Variants in SMG7 observed in about 807,000 individuals in gnomAD.
SMG7 encodes nonsense-mediated mRNA decay factor SMG7.
SMG7 carries 34 observed loss-of-function variants against 148.2 expected under a neutral mutation model. The observed-to-expected ratio is 0.23, with a 90% CI of 0.17 to 0.31. The LOEUF (loss-of-function observed/expected upper bound fraction) is 0.31, where lower values mean the gene tolerates loss of function less well. SMG7 is among the 10% of genes least tolerant of loss of function. The pLI, the probability that SMG7 is intolerant of heterozygous loss-of-function variation, is 1.00. For missense variants in SMG7, 1,114 were observed against 1,408.4 expected, an observed-to-expected ratio of 0.79 and a Z score of 3.35; for synonymous variants, 492 against 515.1, an observed-to-expected ratio of 0.96 and a Z score of 0.61.
At chr1:183,514,120 G>A (rs1363643151) in intron 2 of SMG7, among the ~76,000 whole-genome samples, 3 of 148,904 alleles carry the variant, frequency 2.0e-5, no homozygotes, top group Non-Finnish European at 3.0e-5. Flanking sequence ...TATGCCCTCC[G>A]TAACAGCATA....
At chr1:183,474,228 G>A (rs757298251) in intron 1 of SMG7, among the ~76,000 whole-genome samples, 2 of 152,206 alleles carry the variant, frequency 1.3e-5, no homozygotes, top group Non-Finnish European at 2.9e-5. Flanking sequence ...GTATCTGTTA[G>A]GCAAGTAAAT....
At chr1:183,479,691 G>A (rs978650685) in intron 1 of SMG7, among the ~76,000 whole-genome samples, 7 of 152,092 alleles carry the variant, frequency 4.6e-5, no homozygotes, top group Non-Finnish European at 8.8e-5. Context: ...CACAATTACC[G>A]GGGTTATGCC....
chr1:183,514,629 C>A (rs542921832), intron 2 of SMG7, among the ~76,000 whole-genome samples: 1 of 152,198 alleles, frequency 6.6e-6, no homozygotes, highest in Non-Finnish European at 1.5e-5. Flanking sequence ...TAGGGTTTGA[C>A]CTTTATAGGG....
chr1:183,533,301 T>C lies in SMG7; in HGVS notation c.981T>C (p.Cys327=). ...QHTYSQDEQL[C]WTQLLALFMS... ...CTTATAGCCAAGATGAGCAGCTATG[T>C]TGGACACAGTTGCTGGCCCTCTTTA... Residue 327 remains cysteine, a synonymous_variant, in exon 9 of 23, where the codon TGT becomes TGC. Coordinates refer to ENST00000688051, the MANE Select transcript of SMG7 (RefSeq NM_001375584.1). 1 of 1,613,778 alleles carries C rather than the reference T, an allele frequency of 6.2e-7. No homozygotes were observed. The highest frequency in any genetic ancestry group is 8.5e-7 in the Non-Finnish European group (1 of 1,179,792).
At chr1:183,485,902 T>C (rs2102136113) in intron 1 of SMG7, among the ~76,000 whole-genome samples, 2 of 152,374 alleles carry the variant, frequency 1.3e-5, no homozygotes, top group East Asian at 3.9e-4. Flanking sequence ...TCTTTGAATT[T>C]AATGTTTACC....
chr1:183,552,742 G>A lies in SMG7; in HGVS notation c.*811G>A. The A allele has an allele frequency of 1.5e-6, 2 of 1,362,536 alleles. No homozygotes were observed. The highest frequency in any genetic ancestry group is 3.2e-5 in the Admixed American group (1 of 31,180). The allele number at this position is 1,362,536 out of a possible 1,614,324, so 84.4% of individuals were successfully genotyped here. The stretch of plus-strand genomic sequence containing the variant: ...ATTTCAAATTACGTTTTTGATTCCT[G>A]TACATTTTACAGTCGCACAGCAAGC... On this transcript the variant is annotated 3_prime_UTR_variant, in exon 23 of 23. Transcript: ENST00000688051.
At position 183,552,979 on chromosome 1, in the gene SMG7, G is replaced by C. The variant is rs1049585982; in HGVS notation, c.*1048G>C. On this transcript the variant is annotated 3_prime_UTR_variant, in exon 23 of 23. Transcript: ENST00000688051. ...GTGCAACATCACATCTCCCCAAGAA[G>C]CAACAGCATGGGGTCCAGCAGTTGG... The C allele has an allele frequency of 1.2e-5, 18 of 1,536,070 alleles. No homozygotes were observed. The Admixed American group carries it at 1.8e-4, about 15-fold the overall frequency.
At chr1:183,526,458 A>G (rs1370117907) in intron 4 of SMG7, 138 bp from the exon 5 acceptor site, 1 of 584,878 alleles carries the variant, frequency 1.7e-6, no homozygotes, top group Non-Finnish European at 2.9e-6. Flanking sequence ...CAGGCCCGAA[A>G]GATTACCATA....
Position 183,517,710 on chromosome 1 carries a change from C to G in SMG7, c.202C>G (p.Gln68Glu), listed in dbSNP as rs755513773. The change falls in exon 4 of 23, where the codon CAG (glutamine) becomes GAG (glutamate). Residue 68 changes from glutamine to glutamate, a missense_variant. Physicochemically the swap from Gln to Glu is conservative, Grantham distance 29. Around this residue, in one of 4 missense-constraint regions of SMG7, gnomAD observed 216 missense variants for 329.1 expected, o/e 0.66. Transcript: ENST00000688051. ...CAGCTGGAATCACGCCTTTAAGAAT[C>G]AGATCACAACACTGCAAGGCCAGGC... ...QDLWNHAFKN[Q>E]ITTLQGQAKN... is the part of the protein sequence containing the mutation. The G allele has an allele frequency of 1.9e-6, 3 of 1,613,828 alleles. No individual in the cohort carries two copies.
At chr1:183,549,734 A>G (rs1670633000) in intron 19 of SMG7, 30 bp from the exon 20 acceptor site, 1 of 1,589,002 alleles carries the variant, frequency 6.3e-7, no homozygotes, top group Admixed American at 1.7e-5. Flanking sequence ...CCTTGGGGTG[A>G]GTTTATAACT....
At chr1:183,486,348 C>A (rs1021156603) in intron 1 of SMG7, among the ~76,000 whole-genome samples, 1 of 152,166 alleles carries the variant, frequency 6.6e-6, no homozygotes, top group African/African-American at 2.4e-5. Context: ...TTCATTGTTA[C>A]ATAAAACCAA....
At chr1:183,542,016 T>A in intron 13 of SMG7, 60 bp from the exon 14 acceptor site, 3 of 1,372,920 alleles carry the variant, frequency 2.2e-6, no homozygotes, top group Non-Finnish European at 3.0e-6. Flanking sequence ...CCACACACAA[T>A]TCAGTTGTTA....
intron 4 of SMG7, among the ~76,000 whole-genome samples, chr1:183,518,105 G>A (rs1391580740): frequency 3.3e-5 from 5 of 151,926 alleles, no homozygotes; most frequent in Admixed American, 1.3e-4. Context: ...ATGCCAACAC[G>A]CCTGACTAAT....
chr1:183,526,195 C>CTGGA (rs1665824356), intron 4 of SMG7, among the ~76,000 whole-genome samples: 1 of 149,446 alleles, frequency 6.7e-6, no homozygotes, highest in Non-Finnish European at 1.5e-5. Flanking sequence ...CTCACCCAGG[C>CTGGA]TGGAGTGCAG....
In SMG7 at chr1:183,552,007, C is replaced by A; in HGVS notation, c.*76C>A. 2 of 1,486,416 alleles carry A rather than the reference C, an allele frequency of 1.3e-6. No individual in the cohort carries two copies. Among genetic ancestry groups the A allele is most frequent in the Non-Finnish European group, 9.0e-7 (1 of 1,106,558 alleles). The allele number at this position is 1,486,416 out of a possible 1,614,324, so 92.1% of individuals were successfully genotyped here. The stretch of plus-strand genomic sequence containing the variant: ...GGTTTGCAGGACTGGCCCACACAGT[C>A]CCCTGCAGGTGGCAGCCCTCTTTTC... On this transcript the variant is annotated 3_prime_UTR_variant, in exon 23 of 23. Transcript: ENST00000688051.
chr1:183,482,329 T>C (rs1005571229), intron 1 of SMG7, among the ~76,000 whole-genome samples: 4 of 152,052 alleles, frequency 2.6e-5, no homozygotes, highest in Admixed American at 6.6e-5. Flanking sequence ...CCTACTGGAA[T>C]AGGGAGACAC....
At chr1:183,499,157 T>C (rs1011286975) in intron 1 of SMG7, among the ~76,000 whole-genome samples, 1 of 152,204 alleles carries the variant, frequency 6.6e-6, no homozygotes, top group African/African-American at 2.4e-5. Flanking sequence ...CTGAAGGATA[T>C]CTTGGTTGCT....
At chr1:183,520,004 T>C (rs1664412055) in intron 4 of SMG7, among the ~76,000 whole-genome samples, 1 of 152,068 alleles carries the variant, frequency 6.6e-6, no homozygotes, top group Non-Finnish European at 1.5e-5. Context: ...TAGAGTTGTT[T>C]GAAGTACAGA....
At chr1:183,499,991 T>A (rs536049936) in intron 1 of SMG7, among the ~76,000 whole-genome samples, 6 of 152,184 alleles carry the variant, frequency 3.9e-5, no homozygotes, top group South Asian at 2.1e-4. Flanking sequence ...TTCAAGAAGG[T>A]ACAGGGGTTG....
Sources: allele counts gnomAD v4.1 joint callset (sites outside exome capture counted in the v4.1 genomes callset), GRCh38; gene constraint gnomAD v4.1.1; regional missense constraint gnomAD v4.1.1; transcripts MANE v1.5; gene names NCBI Gene and HGNC (gene_info 2026-07-23, HGNC 2026-07-21).